Variants in CYFIP1 observed in about 807,000 individuals in gnomAD.
CYFIP1 encodes the protein cytoplasmic FMR1-interacting protein 1.
Under a neutral mutation model 163.5 loss-of-function variants are expected in CYFIP1, and 58 were observed. The observed-to-expected ratio is 0.35, with a 90% CI of 0.29 to 0.44. The LOEUF is 0.44. Among genes scored for constraint, CYFIP1 ranks in the 20% least tolerant of loss-of-function variants. The pLI, the probability that CYFIP1 is intolerant of heterozygous loss-of-function variation, is 1.00. For missense variants in CYFIP1, 1,338 were observed against 1,653.8 expected (o/e 0.81, Z 3.31); for synonymous variants, 663 against 660.7 (o/e 1.00, Z -0.05).
In CYFIP1 at chr15:22,942,941, G is replaced by A. The variant is rs1163756662; in HGVS notation, c.569+232C>T. On this transcript the variant is annotated intron_variant, in intron 6 of 30. Coordinates refer to ENST00000617928, the MANE Select transcript of CYFIP1 (RefSeq NM_014608.6). ...CTCTGTGACATCTGAGGACAGCCAG[G>A]GCACGAAGAGCCTGCTCTAGCTGTG... Among the ~76,000 whole-genome samples, 5 of 152,148 alleles carry A rather than the reference G, an allele frequency of 3.3e-5. No homozygotes were observed. In the East Asian group the frequency reaches 9.6e-4, roughly 29 times the overall value.
At chr15:22,937,967 T>C (rs1331309476) in intron 8 of CYFIP1, among the ~76,000 whole-genome samples, 2 of 152,146 alleles carry the variant, frequency 1.3e-5, no homozygotes, top group African/African-American at 2.4e-5. Flanking sequence ...CAGGGGCTCA[T>C]GGCCAGGGCT....
chr15:22,977,859 A>G (rs185573866), intron 1 of CYFIP1, among the ~76,000 whole-genome samples: 4 of 152,210 alleles, frequency 2.6e-5, no homozygotes, highest in Non-Finnish European at 5.9e-5. Context: ...ATAACATAAC[A>G]TAAAAGAAAA....
At chr15:22,871,539 C>T (rs1416228757) in intron 30 of CYFIP1, among the ~76,000 whole-genome samples, 1 of 152,188 alleles carries the variant, frequency 6.6e-6, no homozygotes, top group Non-Finnish European at 1.5e-5. Context: ...CTGAGAGAGG[C>T]CCATGACCTG....
intron 1 of CYFIP1, among the ~76,000 whole-genome samples, chr15:22,952,167 A>G (rs3861188): frequency 0.91 from 138,769 of 152,194 alleles, 63,381 homozygotes; most frequent in African/African-American, 0.96. Flanking sequence ...CCACTCATAT[A>G]AATTACCTAA....
intron 21 of CYFIP1, among the ~76,000 whole-genome samples, chr15:22,907,118 G>A (rs964148562): frequency 2.2e-4 from 33 of 152,160 alleles, no homozygotes; most frequent in African/African-American, 8.0e-4. Context: ...CTTCTCCCAT[G>A]GGCAGCTTTG....
intron 12 of CYFIP1, among the ~76,000 whole-genome samples, chr15:22,927,670 A>G (rs2061400299): frequency 1.3e-5 from 2 of 152,048 alleles, no homozygotes; most frequent in African/African-American, 4.8e-5. Context: ...AGAACGACTT[A>G]AAGAAAATCA....
At chr15:22,957,121 G>A (rs2062489868) in intron 1 of CYFIP1, among the ~76,000 whole-genome samples, 4 of 152,252 alleles carry the variant, frequency 2.6e-5, no homozygotes, top group African/African-American at 2.4e-5. Context: ...GCTAACTCCC[G>A]CCACTGCAGC....
chr15:22,970,745 A>C (rs1366077671), intron 1 of CYFIP1, among the ~76,000 whole-genome samples: 1 of 152,212 alleles, frequency 6.6e-6, no homozygotes, highest in East Asian at 1.9e-4. Flanking sequence ...CCACACATAC[A>C]TGAATTATGT....
At chr15:22,903,585 G>A in intron 22 of CYFIP1, 121 bp downstream of exon 22, 1 of 1,060,570 alleles carries the variant, frequency 9.4e-7, no homozygotes, top group Non-Finnish European at 1.4e-6. Flanking sequence ...CTCTTCATGT[G>A]AGAAGTGATG....
At chr15:22,896,564 A>G (rs963297076) in intron 22 of CYFIP1, among the ~76,000 whole-genome samples, 1 of 151,634 alleles carries the variant, frequency 6.6e-6, no homozygotes, top group Admixed American at 6.6e-5. Context: ...CCACTGTTAT[A>G]ATCTCAAACT....
intron 8 of CYFIP1, among the ~76,000 whole-genome samples, chr15:22,937,603 TG>T (rs138305379): frequency 5.3e-5 from 8 of 150,262 alleles, no homozygotes; most frequent in Admixed American, 1.3e-4. Context: ...ATTCTTTTTT[TG>T]TTTTTTTTTT....
chr15:22,938,880 G>A (rs2061800971), intron 8 of CYFIP1, among the ~76,000 whole-genome samples: 1 of 150,318 alleles, frequency 6.7e-6, no homozygotes, highest in South Asian at 2.1e-4. Context: ...TCCAGCCTGG[G>A]CAAGAGCAAC....
chr15:22,935,714 A>C (rs1297795063), intron 9 of CYFIP1, among the ~76,000 whole-genome samples: 1 of 152,170 alleles, frequency 6.6e-6, no homozygotes, highest in Non-Finnish European at 1.5e-5. Context: ...TCTATGGCAC[A>C]GTAGCTATGG....
intron 1 of CYFIP1, among the ~76,000 whole-genome samples, chr15:22,964,479 G>C (rs373327625): frequency 6.6e-6 from 1 of 151,876 alleles, no homozygotes; most frequent in Non-Finnish European, 1.5e-5. Context: ...CAAGAAGGCA[G>C]GTCTTGGCCT....
At chr15:22,908,421 G>A (rs7168653) in intron 21 of CYFIP1, among the ~76,000 whole-genome samples, 28,725 of 151,654 alleles carry the variant, frequency 0.19, 2,918 homozygotes, top group African/African-American at 0.26. Context: ...ACCTTACCTG[G>A]AGATGAGATG....
Position 22,872,808 on chromosome 15 carries a change from G to T in CYFIP1, c.3597+17C>A. On this transcript the variant is annotated intron_variant, in intron 30 of 30. Coordinates refer to ENST00000617928, the MANE Select transcript of CYFIP1 (RefSeq NM_014608.6). ...TGCAAAAGGTCCATAGATGGTGCGA[G>T]ATTTTCATCCACATACCACATTTTT... 6.2e-7 allele frequency: 1 copy of T among 1,613,086 alleles called. No homozygotes were observed. The highest frequency in any genetic ancestry group is 1.3e-5 in the African/African-American group (1 of 75,040).
intron 21 of CYFIP1, among the ~76,000 whole-genome samples, chr15:22,905,756 T>TA (rs981427047): frequency 1.9e-4 from 9 of 47,824 alleles, no homozygotes; most frequent in African/African-American, 4.7e-4. Flanking sequence ...CTTATTTCTG[T>TA]TTTTTTTTTT....
At chr15:22,966,177 C>T (rs111692115) in intron 1 of CYFIP1, among the ~76,000 whole-genome samples, 175 of 150,412 alleles carry the variant, frequency 1.2e-3, no homozygotes, top group African/African-American at 4.2e-3. Flanking sequence ...GGAGAAACCC[C>T]GTCTCTACTA....
At chr15:22,926,883 A>G (rs937120626) in intron 12 of CYFIP1, among the ~76,000 whole-genome samples, 1 of 152,236 alleles carries the variant, frequency 6.6e-6, no homozygotes, top group Admixed American at 6.5e-5. Flanking sequence ...TTTTTCTGGC[A>G]TAAGGACAAA....
Sources: allele counts gnomAD v4.1 joint callset (sites outside exome capture counted in the v4.1 genomes callset), GRCh38; gene constraint gnomAD v4.1.1; transcripts MANE v1.5; gene names NCBI Gene and HGNC (gene_info 2026-07-23, HGNC 2026-07-21).